Variants in CAMKMT observed in about 807,000 individuals in gnomAD.
CAMKMT encodes the protein CaM KMT.
In CAMKMT, 53 loss-of-function variants were observed where a neutral mutation model predicts 48.0. The observed-to-expected ratio is 1.10, with a 90% confidence interval of 0.89 to 1.39. The LOEUF is 1.39. CAMKMT is among the 40% of genes most tolerant of loss of function. CAMKMT has a pLI of 0.00. For synonymous variants in CAMKMT, 165 were observed against 152.3 expected, an observed-to-expected ratio of 1.08 and a Z score of -0.61; for missense variants, 428 against 402.7, an observed-to-expected ratio of 1.06 and a Z score of -0.54.
chr2:44,690,797 G>A (rs533770931), intron 3 of CAMKMT, among the ~76,000 whole-genome samples: 24 of 151,880 alleles, frequency 1.6e-4, no homozygotes, highest in African/African-American at 4.6e-4. Flanking sequence ...CTAACATGGC[G>A]AAACCCCGTC....
At chr2:44,438,421 CTT>C (rs1291451654) in intron 3 of CAMKMT, among the ~76,000 whole-genome samples, 2 of 152,102 alleles carry the variant, frequency 1.3e-5, no homozygotes, top group East Asian at 3.8e-4. Flanking sequence ...AAAGCTATAA[CTT>C]TGAGGAAGTT....
intron 3 of CAMKMT, among the ~76,000 whole-genome samples, chr2:44,559,400 G>A (rs1668204354): frequency 6.6e-6 from 1 of 152,194 alleles, no homozygotes; most frequent in Non-Finnish European, 1.5e-5. Flanking sequence ...GAGCCTATGT[G>A]TTCCTCTCTG....
chr2:44,518,276 G>A (rs563453399), intron 3 of CAMKMT, among the ~76,000 whole-genome samples: 6 of 152,240 alleles, frequency 3.9e-5, no homozygotes, highest in Non-Finnish European at 7.3e-5. Context: ...GCCGTTATGG[G>A]TAGTCATTGC....
chr2:44,467,115 A>G (rs1045833284), intron 3 of CAMKMT, among the ~76,000 whole-genome samples: 3 of 152,124 alleles, frequency 2.0e-5, no homozygotes, highest in Non-Finnish European at 2.9e-5. Flanking sequence ...TTAGCCAGGC[A>G]TGGTGGCACA....
chr2:44,401,296 G>A (rs1476066520), intron 3 of CAMKMT, among the ~76,000 whole-genome samples: 1 of 152,112 alleles, frequency 6.6e-6, no homozygotes, highest in African/African-American at 2.4e-5. Flanking sequence ...AGTGGCTCAC[G>A]CCTGTAATCT....
intron 3 of CAMKMT, among the ~76,000 whole-genome samples, chr2:44,668,473 G>A (rs57896377): frequency 0.047 from 7,177 of 152,100 alleles, 253 homozygotes; most frequent in East Asian, 0.12. Flanking sequence ...AGTATCACTC[G>A]TCTTCAGAAA....
chr2:44,690,009 G>A (rs1676553628), intron 3 of CAMKMT, among the ~76,000 whole-genome samples: 1 of 152,196 alleles, frequency 6.6e-6, no homozygotes, highest in African/African-American at 2.4e-5. Flanking sequence ...TATAGGTGTA[G>A]GGCAGTTATT....
At chr2:44,443,642 C>T (rs952868776) in intron 3 of CAMKMT, among the ~76,000 whole-genome samples, 3 of 152,054 alleles carry the variant, frequency 2.0e-5, no homozygotes, top group Admixed American at 6.6e-5. Context: ...CATAATGAAG[C>T]CAGAGAAGAA....
chr2:44,409,898 G>T (rs1422510962), intron 3 of CAMKMT, among the ~76,000 whole-genome samples: 1 of 151,796 alleles, frequency 6.6e-6, no homozygotes, highest in Non-Finnish European at 1.5e-5. Context: ...TAGGTCCTGG[G>T]GTATAAAGAG....
At chr2:44,721,182 A>T (rs1678444929) in intron 7 of CAMKMT, among the ~76,000 whole-genome samples, 1 of 152,158 alleles carries the variant, frequency 6.6e-6, no homozygotes, top group East Asian at 1.9e-4. Context: ...CACCATGATT[A>T]TTAAATAATA....
At chr2:44,649,236 C>A (rs1558769948) in intron 3 of CAMKMT, among the ~76,000 whole-genome samples, 1 of 152,020 alleles carries the variant, frequency 6.6e-6, no homozygotes, top group Non-Finnish European at 1.5e-5. Context: ...AGTTTTCCTG[C>A]CCTTGAGGTT....
chr2:44,514,956 A>C (rs1275629863), intron 3 of CAMKMT, among the ~76,000 whole-genome samples: 1 of 152,194 alleles, frequency 6.6e-6, no homozygotes, highest in Non-Finnish European at 1.5e-5. Context: ...TATTTACGAG[A>C]AAGGGAACTG....
chr2:44,552,474 A>G (rs1239574501), intron 3 of CAMKMT, among the ~76,000 whole-genome samples: 1 of 152,174 alleles, frequency 6.6e-6, no homozygotes, highest in Non-Finnish European at 1.5e-5. Context: ...ACAGTCAATA[A>G]CAACTCCAAA....
intron 3 of CAMKMT, among the ~76,000 whole-genome samples, chr2:44,612,897 T>G (rs1027238695): frequency 2.0e-5 from 3 of 152,244 alleles, no homozygotes; most frequent in African/African-American, 7.2e-5. Flanking sequence ...TCATTGACTT[T>G]TAAAGCCTAA....
rs925539192 is a variant in CAMKMT, at chr2:44,439,731, G to A, written c.376+49426G>A. 2.6e-5 allele frequency among the ~76,000 whole-genome samples: 4 copies of A among 151,744 alleles called. 1 individual carries two copies. The highest frequency in any genetic ancestry group is 4.2e-4 in the South Asian group (2 of 4,814). ...CGGGCGCCTGTAGTCCCAGCTACTCGGGAGGCTGAGGTAGGAGAATGGCAT... is the reference window on the plus strand; with the variant it reads ...CGGGCGCCTGTAGTCCCAGCTACTCAGGAGGCTGAGGTAGGAGAATGGCAT... On this transcript the variant is annotated intron_variant, in intron 3 of 10. Coordinates refer to ENST00000378494, the MANE Select transcript of CAMKMT (RefSeq NM_024766.5).
intron 3 of CAMKMT, among the ~76,000 whole-genome samples, chr2:44,666,764 C>T (rs1011348553): frequency 2.6e-5 from 4 of 152,176 alleles, no homozygotes; most frequent in African/African-American, 9.7e-5. Context: ...CGCGAGCCGC[C>T]ATGCCCGGCT....
chr2:44,731,845 TG>T (rs931112998), intron 7 of CAMKMT, among the ~76,000 whole-genome samples: 2 of 152,232 alleles, frequency 1.3e-5, no homozygotes, highest in African/African-American at 4.8e-5. Context: ...TTCACTGCCT[TG>T]CGTTTGAACT....
intron 3 of CAMKMT, among the ~76,000 whole-genome samples, chr2:44,696,553 G>A (rs1431736645): frequency 6.6e-6 from 1 of 152,152 alleles, no homozygotes; most frequent in Non-Finnish European, 1.5e-5. Flanking sequence ...TCTTTGGAGA[G>A]GGTTAAACTG....
At chr2:44,418,146 C>G (rs546577363) in intron 3 of CAMKMT, among the ~76,000 whole-genome samples, 45 of 148,920 alleles carry the variant, frequency 3.0e-4, no homozygotes, top group African/African-American at 9.2e-4. Flanking sequence ...GAGCCAAGAT[C>G]GCGCCATTGC....
Sources: allele counts gnomAD v4.1 joint callset (sites outside exome capture counted in the v4.1 genomes callset), GRCh38; gene constraint gnomAD v4.1.1; transcripts MANE v1.5; gene names NCBI Gene and HGNC (gene_info 2026-07-23, HGNC 2026-07-21).